The following KANK4 variants were observed in gnomAD, a reference collection of about 807,000 sequenced individuals.
KANK4 encodes the protein KN motif and ankyrin repeat domains 4, also known as KN motif and ankyrin repeat domain-containing protein 4.
A neutral mutation model predicts 80.8 loss-of-function variants in KANK4; 50 were observed. The ratio of observed to expected loss-of-function variants is 0.62; its 90% CI spans 0.49 to 0.78. The LOEUF (loss-of-function observed/expected upper bound fraction) is 0.78. Ranked by LOEUF, KANK4 falls within the 30% of genes least tolerant of loss-of-function variation. The pLI, the probability that KANK4 is intolerant of heterozygous loss-of-function variation, is 0.00. For missense variants in KANK4, 1,196 were observed against 1,240.1 expected (o/e 0.96, Z 0.53); for synonymous variants, 465 against 506.9 (o/e 0.92, Z 1.11).
At position 62,268,608 on chromosome 1, in the gene KANK4, C is replaced by G. The variant is rs972677045; in HGVS notation, c.2013-103G>C. The G allele has an allele frequency of 9.3e-6, 8 of 859,330 alleles. No homozygotes were observed. The African/African-American group carries it at 1.0e-4, about 11-fold the overall frequency. The allele number at this position is 859,330 out of a possible 1,614,324, so 53.2% of individuals were successfully genotyped here. A position where few individuals can be genotyped will look rare whatever the true frequency, so the allele number is the denominator to read the frequency against. ...GCCTCGGGTAACACTCCGCAGCTTG[C>G]TAATCTCCTCCCCCACTCTCTACAC... On this transcript the variant is annotated intron_variant, in intron 4 of 9. Coordinates refer to ENST00000371153, the MANE Select transcript of KANK4 (RefSeq NM_181712.5).
In KANK4 at chr1:62,279,198, G is replaced by GCACACACACA. The variant is rs10560623; in HGVS notation, c.16+2341_16+2350dup. Reference sequence around the variant, plus strand: ...TAGGTGCTTTCCTAAGCTAGCGCGCGCACACACACACACACACACACACAC... The same window carrying GCACACACACA: ...TAGGTGCTTTCCTAAGCTAGCGCGCGCACACACACACACACACACACACACACACACACAC... On this transcript the variant is annotated intron_variant, in intron 2 of 9. Transcript: ENST00000371153. Among the ~76,000 whole-genome samples the GCACACACACA allele has an allele frequency of 3.1e-3, 459 of 146,166 alleles. 1 individual carries two copies. Among genetic ancestry groups the GCACACACACA allele is most frequent in the South Asian group, 9.3e-3 (41 of 4,420 alleles).
At chr1:62,291,695 C>A (rs1490016777) in intron 1 of KANK4, among the ~76,000 whole-genome samples, 1 of 152,144 alleles carries the variant, frequency 6.6e-6, no homozygotes, top group Non-Finnish European at 1.5e-5. Flanking sequence ...GCAACCTCCA[C>A]CTCCCGGGAT....
At chr1:62,318,709 T>C (rs1644563350) in intron 1 of KANK4, among the ~76,000 whole-genome samples, 6 of 152,188 alleles carry the variant, frequency 3.9e-5, no homozygotes, top group Admixed American at 3.9e-4. Flanking sequence ...CCGCAGCGCC[T>C]AGCTCGGAAA....
intron 7 of KANK4, among the ~76,000 whole-genome samples, chr1:62,254,073 G>T (rs934058786): frequency 6.6e-6 from 1 of 152,156 alleles, no homozygotes; most frequent in Non-Finnish European, 1.5e-5. Context: ...GGGCCTAGGG[G>T]TCTACTGTGC....
chr1:62,249,805 A>T (rs1671568799), intron 8 of KANK4, among the ~76,000 whole-genome samples: 1 of 151,782 alleles, frequency 6.6e-6, no homozygotes. Flanking sequence ...GGCCTCCCAA[A>T]GTGCTGGGAT....
intron 1 of KANK4, among the ~76,000 whole-genome samples, chr1:62,303,364 G>T (rs1396204185): frequency 2.6e-5 from 4 of 151,976 alleles, no homozygotes; most frequent in Non-Finnish European, 2.9e-5. Flanking sequence ...GGCATAATGG[G>T]GAGGGGCGGT....
At chr1:62,283,836 T>G (rs781376914) in intron 1 of KANK4, among the ~76,000 whole-genome samples, 4 of 152,154 alleles carry the variant, frequency 2.6e-5, no homozygotes, top group Non-Finnish European at 4.4e-5. Flanking sequence ...CCATCGTATA[T>G]CAGATCATAT....
chr1:62,259,284 T>TTTC (rs1453432961), intron 7 of KANK4, among the ~76,000 whole-genome samples: 1 of 141,330 alleles, frequency 7.1e-6, no homozygotes, highest in Non-Finnish European at 1.5e-5. Context: ...TCTTTCTTTC[T>TTTC]TTTTTTTTTT....
chr1:62,318,578 G>A (rs1243427881), intron 1 of KANK4, among the ~76,000 whole-genome samples: 1 of 152,230 alleles, frequency 6.6e-6, no homozygotes, highest in Non-Finnish European at 1.5e-5. Flanking sequence ...AGGGGCCGAG[G>A]AGTGCCAGGG....
Position 62,271,576 on chromosome 1 carries a change from C to T in KANK4, c.1914G>A (p.Ser638=), listed in dbSNP as rs1291313531. Residue 638 remains serine (S), a synonymous_variant, in exon 4 of 10, where the codon TCG becomes TCA. Coordinates refer to ENST00000371153, the MANE Select transcript of KANK4 (RefSeq NM_181712.5). ...TTTTCATTATGGATTTAAGGCTGGT[C>T]GATGGGGAGATCTCTAGGCAGACAC... The part of the protein sequence containing the change: ...SSSPPVEISP[S]TSLKSIMKKK... 7 of 1,612,704 alleles carry T rather than the reference C, an allele frequency of 4.3e-6. No homozygotes were observed. The highest frequency in any genetic ancestry group is 1.7e-5 in the Admixed American group (1 of 59,988).
chr1:62,249,016 A>G (rs1418931736), intron 8 of KANK4, among the ~76,000 whole-genome samples: 2 of 144,704 alleles, frequency 1.4e-5, no homozygotes, highest in African/African-American at 5.0e-5. Context: ...AAAAAAAAAA[A>G]TACAAAAATT....
intron 1 of KANK4, among the ~76,000 whole-genome samples, chr1:62,292,176 C>T (rs1672693072): frequency 6.6e-6 from 1 of 152,138 alleles, no homozygotes; most frequent in South Asian, 2.1e-4. Flanking sequence ...GCTTCTTTCA[C>T]TTAACATGAT....
At chr1:62,313,379 C>T (rs978007389) in intron 1 of KANK4, among the ~76,000 whole-genome samples, 7 of 152,018 alleles carry the variant, frequency 4.6e-5, no homozygotes, top group Admixed American at 6.6e-5. Flanking sequence ...TACAAGAGCC[C>T]CAGGTCAGCA....
At chr1:62,243,289 G>T (rs1252518499) in intron 9 of KANK4, among the ~76,000 whole-genome samples, 1 of 151,910 alleles carries the variant, frequency 6.6e-6, no homozygotes, top group Non-Finnish European at 1.5e-5. Context: ...TTCAGTGTTT[G>T]CCTAAACCAG....
At chr1:62,238,831 T>A (rs1421186054) in intron 9 of KANK4, among the ~76,000 whole-genome samples, 2 of 152,088 alleles carry the variant, frequency 1.3e-5, no homozygotes, top group Non-Finnish European at 2.9e-5. Context: ...GGTGTCACCA[T>A]GTTGCCCAGG....
chr1:62,289,548 C>T (rs900053380), intron 1 of KANK4, among the ~76,000 whole-genome samples: 6 of 152,100 alleles, frequency 3.9e-5, no homozygotes, highest in Non-Finnish European at 8.8e-5. Flanking sequence ...AGTACACTGC[C>T]TGCGTGTCCA....
chr1:62,300,400 A>C lies in KANK4; in HGVS notation c.-71+18706T>G, dbSNP rs189082078. On this transcript the variant is annotated intron_variant, in intron 1 of 9. Coordinates refer to ENST00000371153, the MANE Select transcript of KANK4 (RefSeq NM_181712.5). ...CAGGGTTCTTTTCTTTAAGGAACTCACCGTCCAAAATGGGAGGCAGAGACC... is the reference window on the plus strand; with the variant it reads ...CAGGGTTCTTTTCTTTAAGGAACTCCCCGTCCAAAATGGGAGGCAGAGACC... Among the ~76,000 whole-genome samples, 38 of 152,212 alleles carry C rather than the reference A, an allele frequency of 2.5e-4. No individual in the cohort carries two copies. The East Asian group carries it at 6.7e-3, about 27-fold the overall frequency.
chr1:62,238,314 C>T lies in KANK4; in HGVS notation c.2951G>A (p.Arg984Lys), dbSNP rs548272273. 3 of 1,614,104 alleles carry T rather than the reference C, an allele frequency of 1.9e-6. No homozygotes were observed. The highest frequency in any genetic ancestry group is 1.7e-6 in the Non-Finnish European group (2 of 1,180,000). ...GGACCTGCCCTGCTCCGCGTGGGCT[C>T]TCAGAAGCCCAGCAATTTCCATATG... is the stretch of plus-strand genomic sequence containing the variant. ...PTHMEIAGLL[R>K]AHAEQGRSLG... Residue 984 changes from arginine to lysine, a missense_variant, in exon 10 of 10, where the codon AGA (arginine) becomes AAA (lysine). By Grantham distance (26) the Arg-to-Lys change is conservative. Coordinates refer to ENST00000371153, the MANE Select transcript of KANK4 (RefSeq NM_181712.5).
intron 1 of KANK4, among the ~76,000 whole-genome samples, chr1:62,289,396 A>C (rs536119211): frequency 6.9e-4 from 105 of 152,168 alleles, no homozygotes; most frequent in Non-Finnish European, 1.2e-3. Flanking sequence ...GAGTTAGAAA[A>C]ATGTTTTTTT....
Sources: gnomAD v4.1 joint callset for allele counts (sites outside exome capture counted in the v4.1 genomes callset) on GRCh38, gnomAD v4.1.1 for gene constraint, MANE v1.5 for transcripts, NCBI Gene and HGNC (gene_info 2026-07-23, HGNC 2026-07-21) for gene names.